PKD2: variants seen among roughly 807,000 people sequenced by gnomAD.
PKD2 encodes polycystin 2, transient receptor potential cation channel, also known as polycystin-2.
In PKD2, 48 loss-of-function variants were observed where a neutral mutation model predicts 105.9. The observed-to-expected ratio is 0.45, with a 90% CI of 0.36 to 0.58. The LOEUF (loss-of-function observed/expected upper bound fraction) is 0.58. Ranked by LOEUF, PKD2 falls within the 20% of genes least tolerant of loss-of-function variation. The pLI is 0.00. For synonymous variants in PKD2, 464 were observed against 481.1 expected, an observed-to-expected ratio of 0.96 and a Z score of 0.46; for missense variants, 1,078 against 1,255.3, an observed-to-expected ratio of 0.86 and a Z score of 2.13.
At position 88,075,589 on chromosome 4, in the gene PKD2, A is replaced by T; in HGVS notation, c.2802A>T (p.Gly934=). ...QISHGLGTPV[G]LNGQPRPRSS... The stretch of plus-strand genomic sequence containing the variant: ...GTCATGGTTTAGGCACGCCAGTGGG[A>T]CTAAATGGTCAACCTCGCCCCAGAA... The change falls in exon 15 of 15, where the codon GGA becomes GGT. Residue 934 remains glycine, a synonymous_variant. Coordinates refer to ENST00000237596, the MANE Select transcript of PKD2 (RefSeq NM_000297.4). 1 of 1,614,152 alleles carries T rather than the reference A, an allele frequency of 6.2e-7. No homozygotes were observed. The highest frequency in any genetic ancestry group is 8.5e-7 in the Non-Finnish European group (1 of 1,179,994).
intron 9 of PKD2, among the ~76,000 whole-genome samples, chr4:88,061,299 T>C (rs1437112381): frequency 1.3e-5 from 2 of 152,198 alleles, no homozygotes; most frequent in Non-Finnish European, 1.5e-5. Flanking sequence ...AATAAAATAA[T>C]CGCACCATTA....
At chr4:88,036,685 A>C (rs1478587597) in intron 3 of PKD2, among the ~76,000 whole-genome samples, 1 of 152,254 alleles carries the variant, frequency 6.6e-6, no homozygotes, top group Admixed American at 6.5e-5. Context: ...GCGTATGGTC[A>C]CATGGCTAGG....
intron 12 of PKD2, 90 bp downstream of exon 12, chr4:88,065,969 C>T (rs1056330531): frequency 3.7e-5 from 30 of 808,172 alleles, no homozygotes; most frequent in Admixed American, 3.1e-4. Flanking sequence ...GTTATTGAGT[C>T]TCTTGCCCAT....
chr4:88,057,528 CG>C (rs1191413269), intron 8 of PKD2, among the ~76,000 whole-genome samples: 2 of 151,282 alleles, frequency 1.3e-5, no homozygotes, highest in African/African-American at 4.9e-5. Context: ...CTCTGCCTCC[CG>C]GGTTCAAGCG....
chr4:88,041,551 T>A (rs944464027), intron 4 of PKD2, among the ~76,000 whole-genome samples: 4 of 152,196 alleles, frequency 2.6e-5, no homozygotes, highest in African/African-American at 4.8e-5. Context: ...ACATAGGATG[T>A]GCTGAATTTC....
intron 2 of PKD2, among the ~76,000 whole-genome samples, chr4:88,032,274 G>T (rs1447500256): frequency 6.6e-6 from 1 of 151,754 alleles, no homozygotes; most frequent in Non-Finnish European, 1.5e-5. Context: ...TTCAATATTT[G>T]AACCTATATT....
chr4:88,042,811 A>G lies in PKD2; in HGVS notation c.1095-422A>G, dbSNP rs1727618826. Among the ~76,000 whole-genome samples the G allele has an allele frequency of 2.0e-5, 3 of 152,242 alleles. No individual in the cohort carries two copies. The South Asian group carries it at 6.2e-4, about 31-fold the overall frequency. ...CTGAATATTTGTGGATGAAATTCCCAAATGCTGACAATGCCACTTGATGAA... is the reference window on the plus strand; with the variant it reads ...CTGAATATTTGTGGATGAAATTCCCGAATGCTGACAATGCCACTTGATGAA... On this transcript the variant is annotated intron_variant, in intron 4 of 14. Transcript: ENST00000237596.
At chr4:88,009,800 A>G (rs1726324471) in intron 1 of PKD2, among the ~76,000 whole-genome samples, 1 of 152,222 alleles carries the variant, frequency 6.6e-6, no homozygotes, top group Non-Finnish European at 1.5e-5. Flanking sequence ...TGTGCATTTA[A>G]AAAATATTCA....
intron 9 of PKD2, 118 bp downstream of exon 9, chr4:88,058,221 AAG>A: frequency 1.4e-6 from 1 of 707,862 alleles, no homozygotes; most frequent in Non-Finnish European, 2.5e-6. Flanking sequence ...AAGTAGAAAA[AAG>A]TGTGGATGTT....
At chr4:88,063,302 C>T (rs1269537684) in intron 10 of PKD2, among the ~76,000 whole-genome samples, 5 of 152,086 alleles carry the variant, frequency 3.3e-5, no homozygotes, top group East Asian at 1.9e-4. Context: ...GAGGCCAAGG[C>T]GGATGGATCA....
intron 9 of PKD2, 77 bp from the exon 10 acceptor site, chr4:88,061,829 A>G (rs1720585124): frequency 2.6e-6 from 2 of 768,984 alleles, no homozygotes; most frequent in South Asian, 1.4e-5. Context: ...ACAAAAAGGC[A>G]TGTGTCATTT....
At chr4:88,044,302 C>T (rs778798469) in intron 5 of PKD2, among the ~76,000 whole-genome samples, 4 of 152,134 alleles carry the variant, frequency 2.6e-5, no homozygotes, top group Non-Finnish European at 5.9e-5. Context: ...CCACTTTAAT[C>T]TTCCTGGTGA....
In PKD2 at chr4:88,008,338, C is replaced by G. The variant is rs1726265784; in HGVS notation, c.595+10C>G. The G allele has an allele frequency of 6.6e-7, 1 of 1,512,684 alleles. No homozygotes were observed. The highest frequency in any genetic ancestry group is 8.8e-7 in the Non-Finnish European group (1 of 1,136,408). 93.7% of individuals were successfully genotyped at this position (1,512,684 alleles called of 1,614,324 possible). A position where few individuals can be genotyped will look rare whatever the true frequency, so the allele number is the denominator to read the frequency against. On this transcript the variant is annotated intron_variant, in intron 1 of 14. Coordinates refer to ENST00000237596, the MANE Select transcript of PKD2 (RefSeq NM_000297.4). ...GTTCGCGGGCTGCGAGGTAAGAGCG[C>G]GCGACCCGCAGCGGCAGATGCACGA...
chr4:88,048,011 A>G (rs1727839125), intron 6 of PKD2, among the ~76,000 whole-genome samples: 2 of 152,144 alleles, frequency 1.3e-5, no homozygotes, highest in South Asian at 4.1e-4. Context: ...GTTTCAGTGT[A>G]TAAAAGAATT....
chr4:88,043,500 G>A, intron 5 of PKD2, 43 bp downstream of exon 5: 2 of 1,362,576 alleles, frequency 1.5e-6, no homozygotes, highest in Non-Finnish European at 1.1e-6. Context: ...CTGTGTGGTT[G>A]TACATACATC....
At chr4:88,051,306 G>T (rs1482214060) in intron 6 of PKD2, among the ~76,000 whole-genome samples, 1 of 152,116 alleles carries the variant, frequency 6.6e-6, no homozygotes, top group Non-Finnish European at 1.5e-5. Context: ...TGTTCTCATG[G>T]GCACTCATTT....
At chr4:88,016,071 G>C (rs1388238794) in intron 1 of PKD2, among the ~76,000 whole-genome samples, 3 of 152,110 alleles carry the variant, frequency 2.0e-5, no homozygotes, top group Admixed American at 6.5e-5. Flanking sequence ...TCACAATAGG[G>C]TTCTCACTCC....
At chr4:88,062,183 A>C (rs539528259) in intron 10 of PKD2, among the ~76,000 whole-genome samples, 179 bp downstream of exon 10, 1 of 152,310 alleles carries the variant, frequency 6.6e-6, no homozygotes, top group East Asian at 1.9e-4. Flanking sequence ...ATATACTGCT[A>C]TCTTGAATTT....
chr4:88,019,481 G>A lies in PKD2; in HGVS notation c.619G>A (p.Glu207Lys), dbSNP rs1428541559. The A allele has an allele frequency of 1.9e-6, 3 of 1,593,372 alleles. No homozygotes were observed. Among genetic ancestry groups the A allele is most frequent in the Non-Finnish European group, 2.6e-6 (3 of 1,161,412 alleles). ...AGGTCTCTGGGGAACAAGACTCATGGAGGAAAGCAGCACTAACCGAGAGAA... is the reference window on the plus strand; with the variant it reads ...AGGTCTCTGGGGAACAAGACTCATGAAGGAAAGCAGCACTAACCGAGAGAA... ...LRGLWGTRLM[E>K]ESSTNREKYL... The change falls in exon 2 of 15, where the codon GAG becomes AAG. Residue 207 changes from glutamate (E) to lysine (K), a missense_variant. Physicochemically the swap from Glu to Lys is moderately conservative, Grantham distance 56. Transcript: ENST00000237596.
Sources: allele counts gnomAD v4.1 joint callset (sites outside exome capture counted in the v4.1 genomes callset), GRCh38; gene constraint gnomAD v4.1.1; transcripts MANE v1.5; gene names NCBI Gene and HGNC (gene_info 2026-07-23, HGNC 2026-07-21).